The following TRAPPC9 variants were observed in gnomAD, a reference collection of about 807,000 sequenced individuals.
The protein encoded by TRAPPC9 is trafficking protein particle complex subunit 9.
In TRAPPC9, 83 loss-of-function variants were observed where a neutral mutation model predicts 124.0. The ratio of observed to expected loss-of-function variants is 0.67; its 90% CI spans 0.56 to 0.80. The LOEUF (loss-of-function observed/expected upper bound fraction) is 0.80, where lower values mean the gene tolerates loss of function less well. Ranked by LOEUF, TRAPPC9 falls within the 30% of genes least tolerant of loss-of-function variation. TRAPPC9 has a pLI of 0.00. For synonymous variants in TRAPPC9, 638 were observed against 617.5 expected (o/e 1.03, Z -0.49); for missense variants, 1,302 against 1,508.3 (o/e 0.86, Z 2.27).
intron 21 of TRAPPC9, among the ~76,000 whole-genome samples, chr8:139,879,316 G>A (rs932747422): frequency 5.5e-4 from 83 of 152,216 alleles, no homozygotes; most frequent in Non-Finnish European, 1.6e-4. Context: ...GATGGGAGGG[G>A]AGCTTCCTGG....
chr8:139,855,504 A>G (rs1167234658), intron 21 of TRAPPC9, among the ~76,000 whole-genome samples: 2 of 152,060 alleles, frequency 1.3e-5, no homozygotes, highest in African/African-American at 4.8e-5. Flanking sequence ...AGAAATTCCC[A>G]GGCAGCTCAC....
intron 19 of TRAPPC9, among the ~76,000 whole-genome samples, chr8:139,966,325 AG>A (rs1253548028): frequency 6.6e-6 from 1 of 152,136 alleles, no homozygotes; most frequent in Non-Finnish European, 1.5e-5. Flanking sequence ...TGGGCCCACA[AG>A]CTCCTCTCTC....
intron 17 of TRAPPC9, among the ~76,000 whole-genome samples, chr8:140,057,880 T>C (rs937421388): frequency 2.6e-5 from 4 of 152,164 alleles, no homozygotes; most frequent in African/African-American, 9.7e-5. Flanking sequence ...ATACATGCAG[T>C]AGGTGGCCCA....
At chr8:140,127,875 TAA>T (rs759473337) in intron 17 of TRAPPC9, among the ~76,000 whole-genome samples, 1 of 152,196 alleles carries the variant, frequency 6.6e-6, no homozygotes, top group Non-Finnish European at 1.5e-5. Flanking sequence ...CCCAAGAATA[TAA>T]GAGCTAAAGT....
At chr8:140,225,601 G>A (rs1471703949) in intron 16 of TRAPPC9, among the ~76,000 whole-genome samples, 1 of 152,204 alleles carries the variant, frequency 6.6e-6, no homozygotes, top group Non-Finnish European at 1.5e-5. Flanking sequence ...ACAGAGCCAT[G>A]TGCAAAACGT....
At chr8:140,145,390 G>C (rs767338143) in intron 17 of TRAPPC9, among the ~76,000 whole-genome samples, 1 of 151,986 alleles carries the variant, frequency 6.6e-6, no homozygotes, top group African/African-American at 2.4e-5. Flanking sequence ...AATGTGCCTA[G>C]AGTTTCAACA....
At chr8:140,448,413 C>T (rs990877518) in intron 2 of TRAPPC9, among the ~76,000 whole-genome samples, 1 of 152,242 alleles carries the variant, frequency 6.6e-6, no homozygotes, top group African/African-American at 2.4e-5. Flanking sequence ...CTATGCGTGA[C>T]GCACTGCGTC....
At chr8:140,290,896 A>G in intron 12 of TRAPPC9, 97 bp downstream of exon 12, 2 of 945,818 alleles carry the variant, frequency 2.1e-6, no homozygotes, top group Admixed American at 1.8e-5. Flanking sequence ...AAACAGACAC[A>G]TATCGTAAGA....
At chr8:140,435,668 G>A (rs2070787768) in intron 3 of TRAPPC9, among the ~76,000 whole-genome samples, 1 of 152,224 alleles carries the variant, frequency 6.6e-6, no homozygotes, top group Admixed American at 6.5e-5. Context: ...ATATTTCACA[G>A]TAATAGCACC....
intron 17 of TRAPPC9, among the ~76,000 whole-genome samples, chr8:140,196,047 CAT>C (rs1334917634): frequency 8.5e-6 from 1 of 117,958 alleles, no homozygotes; most frequent in Admixed American, 8.9e-5. Flanking sequence ...CACTAAAACA[CAT>C]TGAACAATTC....
At chr8:140,190,283 C>T (rs1163588452) in intron 17 of TRAPPC9, among the ~76,000 whole-genome samples, 1 of 152,082 alleles carries the variant, frequency 6.6e-6, no homozygotes, top group African/African-American at 2.4e-5. Flanking sequence ...TGGTGAAACC[C>T]TGTCTCTACT....
rs755153457 is a variant in TRAPPC9 at position 140,183,000 on chromosome 8, T to G, written c.2556+38459A>C. On this transcript the variant is annotated intron_variant, in intron 17 of 22. Transcript: ENST00000438773. The surrounding 1 kb of genome is among the most constrained non-coding windows in gnomAD (Gnocchi z 4.0). ...CTCCATATACATCACCTCCCTTATT[T>G]CTCACAGAAAACTCTGCATTATTGG... 6.6e-6 allele frequency among the ~76,000 whole-genome samples: 1 copy of G among 151,952 alleles called. No individual in the cohort carries two copies. Among genetic ancestry groups the G allele is most frequent in the Non-Finnish European group, 1.5e-5 (1 of 68,018 alleles).
chr8:140,154,618 G>C (rs576002002), intron 17 of TRAPPC9, among the ~76,000 whole-genome samples: 1 of 152,190 alleles, frequency 6.6e-6, no homozygotes, highest in African/African-American at 2.4e-5. Flanking sequence ...ACTCACTAAC[G>C]ATTACTCATC....
At chr8:140,382,038 C>T (rs1289803515) in intron 7 of TRAPPC9, among the ~76,000 whole-genome samples, 1 of 152,200 alleles carries the variant, frequency 6.6e-6, no homozygotes, top group Non-Finnish European at 1.5e-5. Flanking sequence ...TTCATTGCAG[C>T]ATTATTCTTA....
At chr8:140,018,340 T>TTTTTTTTTTTTTTG in intron 18 of TRAPPC9, among the ~76,000 whole-genome samples, 1 of 114,934 alleles carries the variant, frequency 8.7e-6, no homozygotes. Flanking sequence ...TTTTTTTTTT[T>TTTTTTTTTTTTTTG]TGAGACGGAG....
At chr8:139,877,505 C>T (rs1222810915) in intron 21 of TRAPPC9, among the ~76,000 whole-genome samples, 1 of 152,062 alleles carries the variant, frequency 6.6e-6, no homozygotes, top group Non-Finnish European at 1.5e-5. Context: ...TGTGCAGATT[C>T]GGGGTCCAGT....
At chr8:140,091,940 G>A (rs1217087257) in intron 17 of TRAPPC9, among the ~76,000 whole-genome samples, 13 of 151,428 alleles carry the variant, frequency 8.6e-5, no homozygotes, top group African/African-American at 1.5e-4. Context: ...CCCATCTCCC[G>A]CCGGCCCCAC....
chr8:140,439,981 G>A (rs2070950885), intron 2 of TRAPPC9, among the ~76,000 whole-genome samples: 1 of 152,118 alleles, frequency 6.6e-6, no homozygotes, highest in African/African-American at 2.4e-5. Flanking sequence ...GTAAATGAAT[G>A]TTATTGACAC....
chr8:140,404,892 ACG>A (rs879468308), intron 6 of TRAPPC9, among the ~76,000 whole-genome samples: 1,933 of 57,170 alleles, frequency 0.034, 18 homozygotes, highest in Non-Finnish European at 0.056. Flanking sequence ...GCATGTGTGC[ACG>A]TGTGTGTGAG....
Sources: gnomAD v4.1 joint callset for allele counts (sites outside exome capture counted in the v4.1 genomes callset) on GRCh38, gnomAD v4.1.1 for gene constraint, Gnocchi (gnomAD v3.1) non-coding constraint, MANE v1.5 for transcripts, NCBI Gene and HGNC (gene_info 2026-07-23, HGNC 2026-07-21) for gene names.